The following CPEB2 variants were observed in gnomAD, a reference collection of about 807,000 sequenced individuals.
CPEB2 encodes cytoplasmic polyadenylation element binding protein 2.
In CPEB2, 56 loss-of-function variants were observed where a neutral mutation model predicts 93.6. The ratio of observed to expected loss-of-function variants is 0.60; its 90% CI spans 0.48 to 0.75. CPEB2 has a LOEUF of 0.75. Ranked by LOEUF, CPEB2 falls within the 30% of genes least tolerant of loss-of-function variation. The pLI, the probability that CPEB2 is intolerant of heterozygous loss-of-function variation, is 0.00. For synonymous variants in CPEB2, 764 were observed against 586.3 expected (o/e 1.30, Z -4.38); for missense variants, 1,579 against 1,395.1 (o/e 1.13, Z -2.10).
At position 15,061,457 on chromosome 4, in the gene CPEB2, A is replaced by G. The variant is rs541281744; in HGVS notation, c.2696-622A>G. 3.8e-4 allele frequency among the ~76,000 whole-genome samples: 58 copies of G among 152,150 alleles called. No individual in the cohort carries two copies. The Middle Eastern group carries it at 0.014, about 36-fold the overall frequency. On this transcript the variant is annotated intron_variant, in intron 10 of 11. Coordinates refer to ENST00000538197, the MANE Select transcript of CPEB2 (RefSeq NM_001177382.2). ...AGAAGGAAGGGATTAATTGTGTTCA[A>G]TGCTACTTACAGATAGATTGACCAT...
intron 6 of CPEB2, among the ~76,000 whole-genome samples, chr4:15,041,386 T>TA (rs1403582254): frequency 3.3e-5 from 5 of 151,558 alleles, no homozygotes; most frequent in Admixed American, 3.3e-4. Flanking sequence ...TAGACAGGAA[T>TA]AATAGTGCCC....
chr4:15,008,295 A>G (rs1723077558), intron 2 of CPEB2, 43 bp from the exon 3 acceptor site: 1 of 1,396,840 alleles, frequency 7.2e-7, no homozygotes, highest in Non-Finnish European at 1.0e-6. Context: ...GGTATGGGGA[A>G]GACAACTGCT....
intron 11 of CPEB2, chr4:15,063,605 G>T (rs866486773): frequency 3.9e-5 from 6 of 152,092 alleles, no homozygotes; most frequent in Non-Finnish European, 7.4e-5. Flanking sequence ...GGTTTAGACC[G>T]CTAACAGAGA....
In CPEB2 at chr4:15,002,707, G is replaced by A. The variant is rs941945181; in HGVS notation, c.34G>A (p.Ala12Thr). The A allele has an allele frequency of 6.6e-7, 1 of 1,523,720 alleles. No homozygotes were observed. Among genetic ancestry groups the A allele is most frequent in the Non-Finnish European group, 8.8e-7 (1 of 1,140,762 alleles). 94.4% of individuals were successfully genotyped at this position (1,523,720 alleles called of 1,614,324 possible). The change falls in exon 1 of 12, where the codon GCC becomes ACC. Residue 12 changes from alanine (A) to threonine (T), a missense_variant. Physicochemically the swap from Ala to Thr is moderately conservative, Grantham distance 58. This residue lies in a region of CPEB2 where 1,411 missense variants were observed against 1,056.0 expected (regional missense o/e 1.34). Coordinates refer to ENST00000538197, the MANE Select transcript of CPEB2 (RefSeq NM_001177382.2). ...TTTCGGGTTTGGGGTGCTGCAGACC[G>A]CCCCGCTCCGAAGTAGCAGTCCTGG... ...RDFGFGVLQT[A>T]PLRSSSPGPL...
Position 15,002,558 on chromosome 4 carries a change from C to A in CPEB2, c.-116C>A, listed in dbSNP as rs1722089296. 1.2e-6 allele frequency: 1 copy of A among 810,004 alleles called. No homozygotes were observed. The highest frequency in any genetic ancestry group is 3.2e-5 in the East Asian group (1 of 31,512). 50.2% of individuals were successfully genotyped at this position (810,004 alleles called of 1,614,324 possible). ...GTGCCCCCTGGCTCAGTCACGGTGT[C>A]CCTCTCTCACTGACTCCCCCTCCTT... On this transcript the variant is annotated 5_prime_UTR_variant, in exon 1 of 12. Transcript: ENST00000538197.
intron 10 of CPEB2, among the ~76,000 whole-genome samples, chr4:15,060,779 A>G (rs539906591): frequency 2.0e-5 from 3 of 152,128 alleles, no homozygotes; most frequent in Non-Finnish European, 4.4e-5. Context: ...CACTCTTTAT[A>G]CTGTTTTAAA....
At position 15,056,555 on chromosome 4, in the gene CPEB2, A is replaced by G. The variant is rs936833101; in HGVS notation, c.2462-1866A>G. Among the ~76,000 whole-genome samples, 16 of 152,362 alleles carry G rather than the reference A, an allele frequency of 1.1e-4. 2 individuals are homozygous for G. Among genetic ancestry groups the G allele is most frequent in the Admixed American group, 9.2e-4 (14 of 15,300 alleles). ...GGCAAATCATAGTTTTTTTGGTACA[A>G]TTACAGTTAAATGTAGACATTTCCA... On this transcript the variant is annotated intron_variant, in intron 8 of 11. Coordinates refer to ENST00000538197, the MANE Select transcript of CPEB2 (RefSeq NM_001177382.2).
chr4:15,019,042 T>C (rs1266695247), intron 4 of CPEB2, among the ~76,000 whole-genome samples: 2 of 149,930 alleles, frequency 1.3e-5, no homozygotes, highest in Non-Finnish European at 1.5e-5. Flanking sequence ...ATTTTTAAGT[T>C]AGGAAAATTA....
At chr4:15,012,985 G>T (rs911325229) in intron 3 of CPEB2, among the ~76,000 whole-genome samples, 1 of 151,900 alleles carries the variant, frequency 6.6e-6, no homozygotes. Context: ...GATTAAGTTT[G>T]AATTCCCTTT....
At chr4:15,008,307 A>C (rs1410436931) in intron 2 of CPEB2, 31 bp from the exon 3 acceptor site, 1 of 1,542,330 alleles carries the variant, frequency 6.5e-7, no homozygotes. Context: ...ACAACTGCTC[A>C]TTTCTGATGA....
chr4:15,063,645 A>G (rs1489455960), intron 11 of CPEB2: 5 of 152,230 alleles, frequency 3.3e-5, no homozygotes, highest in African/African-American at 9.6e-5. Context: ...CGTTATTTAC[A>G]TAGTATGTAA....
At chr4:15,061,951 T>C in intron 10 of CPEB2, 128 bp from the exon 11 acceptor site, 2 of 848,280 alleles carry the variant, frequency 2.4e-6, no homozygotes, top group South Asian at 4.2e-5. Context: ...CAACAGCCTC[T>C]TATCTGCCAT....
Position 15,041,405 on chromosome 4 carries a change from C to CT in CPEB2, c.2200+932dup, listed in dbSNP as rs34625144. Among the ~76,000 whole-genome samples the CT allele has an allele frequency of 2.6e-3, 379 of 144,720 alleles. 1 individual carries two copies. Among genetic ancestry groups the CT allele is most frequent in the African/African-American group, 5.8e-3 (229 of 39,808 alleles). The allele number at this position is 144,720 out of a possible 152,430, so 94.9% of individuals were successfully genotyped here. A position where few individuals can be genotyped will look rare whatever the true frequency, so the allele number is the denominator to read the frequency against. On this transcript the variant is annotated intron_variant, in intron 6 of 11. Transcript: ENST00000538197. ...CAGGAATAATAGTGCCCTTTGATCA[C>CT]TTTTTTTTTTTTTTGAGACGGAGTT...
chr4:15,056,925 C>G (rs978354491), intron 8 of CPEB2, among the ~76,000 whole-genome samples: 1 of 151,204 alleles, frequency 6.6e-6, no homozygotes, highest in Non-Finnish European at 1.5e-5. Context: ...ATAAACATTC[C>G]CTAATAATAA....
chr4:15,046,300 A>G (rs965268090), intron 6 of CPEB2, among the ~76,000 whole-genome samples: 2 of 151,794 alleles, frequency 1.3e-5, no homozygotes, highest in Non-Finnish European at 2.9e-5. Flanking sequence ...ATCTCGGCTC[A>G]CTGCAACCTC....
At chr4:15,020,693 T>G (rs1724709540) in intron 4 of CPEB2, among the ~76,000 whole-genome samples, 1 of 152,180 alleles carries the variant, frequency 6.6e-6, no homozygotes, top group African/African-American at 2.4e-5. Context: ...GAATGCAGAA[T>G]GTACTTTACT....
At chr4:15,015,470 T>C (rs1346038512) in intron 3 of CPEB2, among the ~76,000 whole-genome samples, 1 of 152,066 alleles carries the variant, frequency 6.6e-6, no homozygotes, top group Non-Finnish European at 1.5e-5. Context: ...CTTTTTACCT[T>C]TTTAAATCCC....
At chr4:15,024,622 A>G (rs548412490) in intron 4 of CPEB2, among the ~76,000 whole-genome samples, 3 of 152,102 alleles carry the variant, frequency 2.0e-5, no homozygotes, top group Non-Finnish European at 2.9e-5. Flanking sequence ...GTGTATGTGC[A>G]TACGTACCTT....
At chr4:15,035,860 G>T (rs940544566) in intron 5 of CPEB2, among the ~76,000 whole-genome samples, 2 of 152,164 alleles carry the variant, frequency 1.3e-5, no homozygotes, top group African/African-American at 4.8e-5. Flanking sequence ...TGCAATTAAA[G>T]AACATTCCTT....
Sources: allele counts gnomAD v4.1 joint callset (sites outside exome capture counted in the v4.1 genomes callset), GRCh38; gene constraint gnomAD v4.1.1; regional missense constraint gnomAD v4.1.1; transcripts MANE v1.5; gene names NCBI Gene and HGNC (gene_info 2026-07-23, HGNC 2026-07-21).